The following SLC60A1 variants were observed in gnomAD, a reference collection of about 807,000 sequenced individuals.
SLC60A1 encodes solute carrier family 60 member 1, also known as major facilitator superfamily domain containing 4.
chr1:205,591,858 C>T, the SLC60A1 span, among the ~76,000 whole-genome samples: 1 of 152,186 alleles, frequency 6.6e-6, no homozygotes, highest in Non-Finnish European at 1.5e-5. Context: ...TCCTCAGTCC[C>T]CAAATGCTTA....
the SLC60A1 span, among the ~76,000 whole-genome samples, chr1:205,570,794 G>GT: frequency 2.0e-5 from 3 of 152,308 alleles, no homozygotes; most frequent in South Asian, 2.1e-4. Flanking sequence ...GCTAGCACAG[G>GT]TTTTTTGGTT....
At chr1:205,586,172 A>G in the SLC60A1 span, 1 of 1,613,652 alleles carries the variant, frequency 6.2e-7, no homozygotes, top group South Asian at 1.1e-5. Context: ...CATATCCTCA[A>G]GAATGAAGCC....
At chr1:205,596,174 G>A in the SLC60A1 span, among the ~76,000 whole-genome samples, 1 of 152,316 alleles carries the variant, frequency 6.6e-6, no homozygotes, top group East Asian at 1.9e-4. Context: ...GTTAGCTGCT[G>A]TGCTACTAAC....
the SLC60A1 span, among the ~76,000 whole-genome samples, chr1:205,570,519 A>G: frequency 1.3e-5 from 2 of 152,224 alleles, no homozygotes; most frequent in Non-Finnish European, 2.9e-5. Flanking sequence ...GAGCTGGTGG[A>G]AGGAGCACAG....
chr1:205,592,360 T>G, the SLC60A1 span: 1 of 1,341,310 alleles, frequency 7.5e-7, no homozygotes, highest in Non-Finnish European at 9.7e-7. Context: ...GCCCTGTCTC[T>G]CTGTGCTCTT....
the SLC60A1 span, chr1:205,600,390 T>C: frequency 3.7e-6 from 6 of 1,613,674 alleles, no homozygotes; most frequent in Middle Eastern, 1.7e-4. Flanking sequence ...CTACCTGTTT[T>C]GTTTTTCTTT....
chr1:205,591,483 C>CAAAAAA, the SLC60A1 span, among the ~76,000 whole-genome samples: 4 of 86,918 alleles, frequency 4.6e-5, no homozygotes, highest in African/African-American at 1.6e-4. Flanking sequence ...CCCTGTCTCT[C>CAAAAAA]AAAAAAAAAA....
At chr1:205,581,484 T>C in the SLC60A1 span, among the ~76,000 whole-genome samples, 2 of 152,252 alleles carry the variant, frequency 1.3e-5, no homozygotes, top group Non-Finnish European at 2.9e-5. This position sits in a 1 kb window ranked among gnomAD's most constrained non-coding sequence, Gnocchi z 4.2. Context: ...GCACTGACTC[T>C]GGCCTCCAGC....
the SLC60A1 span, among the ~76,000 whole-genome samples, chr1:205,589,815 AAC>A: frequency 1.3e-5 from 2 of 152,222 alleles, no homozygotes; most frequent in African/African-American, 4.8e-5. Context: ...GCAAGAGTCA[AAC>A]ACAGACTGTC....
the SLC60A1 span, among the ~76,000 whole-genome samples, chr1:205,582,600 C>T: frequency 6.6e-6 from 1 of 152,196 alleles, no homozygotes; most frequent in Non-Finnish European, 1.5e-5. Context: ...ACAGCTGTTT[C>T]CACTTGGCCT....
chr1:205,596,921 G>A, the SLC60A1 span, among the ~76,000 whole-genome samples: 1 of 152,208 alleles, frequency 6.6e-6, no homozygotes, highest in African/African-American at 2.4e-5. Flanking sequence ...AGGCAACCAA[G>A]GCCTAGAGAG....
chr1:205,598,827 C>T, the SLC60A1 span: 1 of 400,052 alleles, frequency 2.5e-6, no homozygotes, highest in South Asian at 3.8e-5. Context: ...TATAGAAACA[C>T]CTAGTATGAC....
the SLC60A1 span, among the ~76,000 whole-genome samples, chr1:205,582,476 G>A: frequency 6.6e-6 from 1 of 152,228 alleles, no homozygotes; most frequent in African/African-American, 2.4e-5. Flanking sequence ...TCCCTGAATG[G>A]AATTCTTATA....
chr1:205,587,591 T>C, the SLC60A1 span, among the ~76,000 whole-genome samples: 1 of 152,080 alleles, frequency 6.6e-6, no homozygotes, highest in African/African-American at 2.4e-5. Flanking sequence ...GGACTCAGGG[T>C]GGTATGGGCC....
At chr1:205,584,435 G>A in the SLC60A1 span, among the ~76,000 whole-genome samples, 1 of 151,370 alleles carries the variant, frequency 6.6e-6, no homozygotes, top group African/African-American at 2.4e-5. Flanking sequence ...CGTTGGCCAG[G>A]CTGGTCTCAA....
At chr1:205,585,304 C>A in the SLC60A1 span, among the ~76,000 whole-genome samples, 3 of 151,964 alleles carry the variant, frequency 2.0e-5, no homozygotes, top group South Asian at 6.2e-4. This position sits in a 1 kb window ranked among gnomAD's most constrained non-coding sequence, Gnocchi z 4.2. Context: ...GGGGTGGTGC[C>A]CTATTCCCCA....
the SLC60A1 span, among the ~76,000 whole-genome samples, chr1:205,582,660 T>TC: frequency 6.6e-6 from 1 of 152,048 alleles, no homozygotes; most frequent in Admixed American, 6.5e-5. Context: ...GTTTCCTGTT[T>TC]CCCCCCTCAC....
chr1:205,592,371 T>G, the SLC60A1 span: 11 of 1,252,472 alleles, frequency 8.8e-6, no homozygotes, highest in East Asian at 2.8e-4. Flanking sequence ...CTGTGCTCTT[T>G]TTTTTTTTTT....
chr1:205,582,561 A>G, the SLC60A1 span, among the ~76,000 whole-genome samples: 1 of 152,156 alleles, frequency 6.6e-6, no homozygotes, highest in African/African-American at 2.4e-5. Context: ...CTCCCTGGAA[A>G]GCCCCACCTG....
Sources: gnomAD v4.1 joint callset for allele counts (sites outside exome capture counted in the v4.1 genomes callset) on GRCh38, gnomAD v4.1.1 for gene constraint, Gnocchi (gnomAD v3.1) non-coding constraint, MANE v1.5 for transcripts, NCBI Gene and HGNC (gene_info 2026-07-23, HGNC 2026-07-21) for gene names.